Variants in MBOAT2 observed in about 807,000 individuals in gnomAD.
MBOAT2 encodes membrane-bound glycerophospholipid O-acyltransferase 2.
In MBOAT2, 28 loss-of-function variants were observed where a neutral mutation model predicts 63.4. The ratio of observed to expected loss-of-function variants is 0.44; its 90% CI spans 0.33 to 0.61. The LOEUF (loss-of-function observed/expected upper bound fraction) is 0.61. Ranked by LOEUF, MBOAT2 falls within the 20% of genes least tolerant of loss-of-function variation. The pLI is 0.03. For synonymous variants in MBOAT2, 211 were observed against 215.6 expected (o/e 0.98, Z 0.19); for missense variants, 470 against 605.8 (o/e 0.78, Z 2.35).
chr2:8,996,601 A>T (rs1479261764), intron 1 of MBOAT2, among the ~76,000 whole-genome samples: 3 of 152,044 alleles, frequency 2.0e-5, no homozygotes, highest in African/African-American at 7.2e-5. Context: ...GCGTCCTTCA[A>T]CTGGAGGCCA....
chr2:8,985,392 C>T (rs950915807), intron 1 of MBOAT2, among the ~76,000 whole-genome samples: 20 of 152,214 alleles, frequency 1.3e-4, no homozygotes, highest in South Asian at 6.2e-4. Flanking sequence ...AAATGTGTGA[C>T]CCCCAAATAG....
intron 1 of MBOAT2, among the ~76,000 whole-genome samples, chr2:8,997,747 G>A (rs918618176): frequency 3.3e-5 from 5 of 152,068 alleles, no homozygotes; most frequent in Non-Finnish European, 5.9e-5. Context: ...TACAGATAAG[G>A]AAACCACGGC....
chr2:9,001,497 C>A (rs1468681267), intron 1 of MBOAT2, among the ~76,000 whole-genome samples: 1 of 152,148 alleles, frequency 6.6e-6, no homozygotes, highest in Non-Finnish European at 1.5e-5. Flanking sequence ...CTTACGAGAC[C>A]ACCAGCAGAC....
chr2:8,858,792 T>C lies in MBOAT2; in HGVS notation c.1450A>G (p.Lys484Glu), dbSNP rs1219756001. ...THENIQLSQSKKFDEGENSLG... is the reference protein window; with the variant it reads ...THENIQLSQSEKFDEGENSLG... ...GAATTTTCTCCTTCATCAAACTTTT[T>C]GGATTGTGAGAGCTGAATGTTTTCA... The change falls in exon 13 of 13, where the codon AAA becomes GAA. Residue 484 changes from lysine to glutamate, a missense_variant. Around this residue, in one of 3 missense-constraint regions of MBOAT2, gnomAD observed 90 missense variants for 84.9 expected, o/e 1.06. Coordinates refer to ENST00000305997, the MANE Select transcript of MBOAT2 (RefSeq NM_138799.4). 2.0e-5 allele frequency: 33 copies of C among 1,614,172 alleles called. No homozygotes were observed. Among genetic ancestry groups the C allele is most frequent in the Non-Finnish European group, 2.5e-5 (29 of 1,180,020 alleles).
intron 3 of MBOAT2, among the ~76,000 whole-genome samples, chr2:8,912,364 A>G (rs1310655336): frequency 1.1e-5 from 1 of 88,920 alleles, no homozygotes; most frequent in Non-Finnish European, 2.3e-5. Context: ...AAAGAAAGAA[A>G]GAAAGAAAGA....
At chr2:8,911,949 A>G (rs555754976) in intron 3 of MBOAT2, among the ~76,000 whole-genome samples, 90 of 152,266 alleles carry the variant, frequency 5.9e-4, no homozygotes, top group African/African-American at 2.1e-3. Context: ...TTTTACCAAT[A>G]GAATACAGTG....
chr2:8,868,196 C>T (rs547940445), intron 9 of MBOAT2, among the ~76,000 whole-genome samples: 2 of 152,338 alleles, frequency 1.3e-5, no homozygotes, highest in East Asian at 3.9e-4. Flanking sequence ...TGATCACCAC[C>T]TGTTTTACCT....
At chr2:8,919,908 C>G (rs1018102166) in intron 3 of MBOAT2, among the ~76,000 whole-genome samples, 5 of 151,978 alleles carry the variant, frequency 3.3e-5, no homozygotes, top group African/African-American at 1.2e-4. Flanking sequence ...GTGTGCGCCA[C>G]CACACTGGGG....
chr2:8,947,017 A>G (rs1168891642), intron 2 of MBOAT2, among the ~76,000 whole-genome samples: 2 of 152,270 alleles, frequency 1.3e-5, no homozygotes, highest in East Asian at 3.8e-4. Flanking sequence ...CTGAAAGCTA[A>G]GCCTCTTGCA....
At chr2:8,914,868 T>C (rs1460050945) in intron 3 of MBOAT2, among the ~76,000 whole-genome samples, 1 of 152,042 alleles carries the variant, frequency 6.6e-6, no homozygotes. Context: ...AATGAAATGT[T>C]ATTACTAAAA....
At chr2:8,972,449 T>C (rs895968932) in intron 1 of MBOAT2, among the ~76,000 whole-genome samples, 11 of 152,170 alleles carry the variant, frequency 7.2e-5, no homozygotes, top group East Asian at 1.9e-4. Context: ...ATTCAGGACA[T>C]AGGCATGGGC....
chr2:8,986,440 G>A (rs1671572361), intron 1 of MBOAT2, among the ~76,000 whole-genome samples: 1 of 151,974 alleles, frequency 6.6e-6, no homozygotes, highest in Admixed American at 6.6e-5. Context: ...GCGCATGCCT[G>A]TAGTCCCAGC....
At chr2:8,926,711 C>A (rs1205453919) in intron 3 of MBOAT2, among the ~76,000 whole-genome samples, 2 of 152,186 alleles carry the variant, frequency 1.3e-5, no homozygotes, top group East Asian at 3.8e-4. Context: ...GAGGCATGGT[C>A]AGACAGATAC....
chr2:8,976,892 T>C (rs1427495968), intron 1 of MBOAT2, among the ~76,000 whole-genome samples: 1 of 152,184 alleles, frequency 6.6e-6, no homozygotes, highest in African/African-American at 2.4e-5. Flanking sequence ...ACAGCATGGA[T>C]GAATCTCAAA....
intron 9 of MBOAT2, among the ~76,000 whole-genome samples, chr2:8,865,501 G>C (rs944835641): frequency 6.6e-6 from 1 of 151,984 alleles, no homozygotes; most frequent in Non-Finnish European, 1.5e-5. Flanking sequence ...TCAATCAATA[G>C]GTCTCTCTCC....
intron 3 of MBOAT2, among the ~76,000 whole-genome samples, chr2:8,938,673 G>A (rs115221968): frequency 1.7e-3 from 247 of 149,348 alleles, no homozygotes; most frequent in African/African-American, 5.7e-3. Context: ...ATTTCATGCC[G>A]TGTCTCATGC....
chr2:8,909,956 A>G (rs1665594697), intron 3 of MBOAT2, among the ~76,000 whole-genome samples: 1 of 152,172 alleles, frequency 6.6e-6, no homozygotes, highest in Non-Finnish European at 1.5e-5. Flanking sequence ...CTCGCTGCCC[A>G]CCTCTAATTG....
At chr2:8,945,368 G>C (rs1668342390) in intron 2 of MBOAT2, among the ~76,000 whole-genome samples, 1 of 152,112 alleles carries the variant, frequency 6.6e-6, no homozygotes, top group African/African-American at 2.4e-5. Context: ...CATTGGTAAA[G>C]TGACCATAAT....
intron 1 of MBOAT2, among the ~76,000 whole-genome samples, chr2:8,999,422 A>C (rs957719221): frequency 6.6e-6 from 1 of 152,252 alleles, no homozygotes; most frequent in African/African-American, 2.4e-5. Context: ...TCAGTTTGGT[A>C]ACCGGGAGTT....
Sources: gnomAD v4.1 joint callset for allele counts (sites outside exome capture counted in the v4.1 genomes callset) on GRCh38, gnomAD v4.1.1 for gene constraint, gnomAD v4.1.1 regional missense constraint, MANE v1.5 for transcripts, NCBI Gene and HGNC (gene_info 2026-07-23, HGNC 2026-07-21) for gene names.